AGTR1: variants seen among roughly 807,000 people sequenced by gnomAD.
AGTR1 encodes the protein angiotensin II receptor type 1.
In AGTR1, 16 loss-of-function variants were observed where a neutral mutation model predicts 19.4. That is an observed-to-expected ratio of 0.82 (90% CI 0.56 to 1.25). The LOEUF is 1.25. Among genes scored for constraint, AGTR1 ranks in the 50% most tolerant of loss-of-function variants. The probability of loss-of-function intolerance (pLI) is 0.00; values close to 1 mark genes in which losing one functional copy is unlikely to be tolerated. For missense variants in AGTR1, 373 were observed against 431.9 expected, an observed-to-expected ratio of 0.86 and a Z score of 1.21; for synonymous variants, 153 against 154.9, an observed-to-expected ratio of 0.99 and a Z score of 0.09.
At chr3:148,699,464 G>A (rs893905578) in intron 1 of AGTR1, among the ~76,000 whole-genome samples, 1 of 152,142 alleles carries the variant, frequency 6.6e-6, no homozygotes, top group East Asian at 1.9e-4. Context: ...AGGCTGTGAT[G>A]TATTCCCGGG....
intron 2 of AGTR1, among the ~76,000 whole-genome samples, chr3:148,709,319 G>A (rs1162520770): frequency 6.6e-6 from 1 of 152,024 alleles, no homozygotes; most frequent in African/African-American, 2.4e-5. Flanking sequence ...CCCACTAGCA[G>A]GAAAAGCAGG....
chr3:148,713,733 A>G (rs1431893983), intron 2 of AGTR1, among the ~76,000 whole-genome samples: 2 of 152,286 alleles, frequency 1.3e-5, no homozygotes, highest in South Asian at 2.1e-4. Context: ...ATTGGCCACA[A>G]CTGGCAGCCA....
chr3:148,706,099 C>T (rs1203142259), intron 1 of AGTR1, among the ~76,000 whole-genome samples: 1 of 151,554 alleles, frequency 6.6e-6, no homozygotes, highest in African/African-American at 2.4e-5. Context: ...TTTTTACTTT[C>T]TATTTGTCTT....
At chr3:148,724,967 G>T (rs1713846237) in intron 2 of AGTR1, among the ~76,000 whole-genome samples, 1 of 151,980 alleles carries the variant, frequency 6.6e-6, no homozygotes, top group African/African-American at 2.4e-5. Context: ...AAAATATTTA[G>T]CCTAATTTGT....
chr3:148,722,918 C>A (rs937997671), intron 2 of AGTR1, among the ~76,000 whole-genome samples: 1 of 152,178 alleles, frequency 6.6e-6, no homozygotes, highest in African/African-American at 2.4e-5. Flanking sequence ...GCCAACCAAG[C>A]AATTAACCAA....
chr3:148,706,878 G>A (rs935449432), intron 1 of AGTR1, among the ~76,000 whole-genome samples: 6 of 151,964 alleles, frequency 3.9e-5, no homozygotes, highest in Non-Finnish European at 8.8e-5. Context: ...AACCTTAACG[G>A]AGGACATTTT....
In AGTR1 at chr3:148,741,010, C is replaced by T; in HGVS notation, c.-26C>T. 6.2e-7 allele frequency: 1 copy of T among 1,613,244 alleles called. No individual in the cohort carries two copies. The highest frequency in any genetic ancestry group is 8.5e-7 in the Non-Finnish European group (1 of 1,179,740). ...CCAGGTGTATTTGATATAGTGTTTG[C>T]AACAAATTCGACCCAGGTGATCAAA... On this transcript the variant is annotated 5_prime_UTR_variant, in exon 3 of 3. Coordinates refer to ENST00000349243, the MANE Select transcript of AGTR1 (RefSeq NM_000685.5).
intron 2 of AGTR1, among the ~76,000 whole-genome samples, chr3:148,731,756 G>A (rs540400587): frequency 1.3e-5 from 2 of 152,316 alleles, no homozygotes; most frequent in South Asian, 4.1e-4. Flanking sequence ...CAGGACAGCA[G>A]TCCAGTGCTT....
At chr3:148,706,026 TTC>T (rs1712649193) in intron 1 of AGTR1, among the ~76,000 whole-genome samples, 1 of 151,964 alleles carries the variant, frequency 6.6e-6, no homozygotes, top group South Asian at 2.1e-4. Context: ...ATGATTTTTT[TTC>T]TTTCTTTCTT....
chr3:148,727,571 T>A (rs1246159186), intron 2 of AGTR1, among the ~76,000 whole-genome samples: 1 of 152,158 alleles, frequency 6.6e-6, no homozygotes, highest in Non-Finnish European at 1.5e-5. Flanking sequence ...TCAAATTCCC[T>A]CTTCAGCCTT....
chr3:148,705,402 G>A (rs1037242553), intron 1 of AGTR1, among the ~76,000 whole-genome samples: 5 of 151,130 alleles, frequency 3.3e-5, no homozygotes, highest in Non-Finnish European at 7.4e-5. Context: ...CCCTTAGAAT[G>A]AGAATTTTCC....
chr3:148,714,573 A>G (rs943508954), intron 2 of AGTR1, among the ~76,000 whole-genome samples: 2 of 152,104 alleles, frequency 1.3e-5, no homozygotes, highest in African/African-American at 2.4e-5. Context: ...CATATTTAGA[A>G]TGGATGCCAG....
intron 2 of AGTR1, among the ~76,000 whole-genome samples, chr3:148,723,971 G>T (rs973957637): frequency 6.6e-6 from 1 of 152,146 alleles, no homozygotes; most frequent in East Asian, 1.9e-4. Context: ...GGTTGGCCTG[G>T]ATCCTAAGTT....
rs376492838 is a variant in AGTR1, at chr3:148,705,802, G to A, written c.-131-2142G>A. ...AAAATCACTGTATAACATATGAATCGTAAGTGTGATCCCATGTATGTGTAT... is the reference window on the plus strand; with the variant it reads ...AAAATCACTGTATAACATATGAATCATAAGTGTGATCCCATGTATGTGTAT... On this transcript the variant is annotated intron_variant, in intron 1 of 2. Coordinates refer to ENST00000349243, the MANE Select transcript of AGTR1 (RefSeq NM_000685.5). Among the ~76,000 whole-genome samples the A allele has an allele frequency of 1.9e-3, 288 of 151,860 alleles. 1 individual carries two copies. Among genetic ancestry groups the A allele is most frequent in the African/African-American group, 6.3e-3 (263 of 41,518 alleles).
At chr3:148,714,266 G>A (rs571978173) in intron 2 of AGTR1, among the ~76,000 whole-genome samples, 5 of 152,252 alleles carry the variant, frequency 3.3e-5, no homozygotes, top group East Asian at 3.9e-4. Flanking sequence ...GAACAATCAC[G>A]TAAAATTTAT....
Position 148,742,449 on chromosome 3 carries a change from C to A in AGTR1, c.*334C>A. 1 of 412,094 alleles carries A rather than the reference C, an allele frequency of 2.4e-6. No homozygotes were observed. Among genetic ancestry groups the A allele is most frequent in the Non-Finnish European group, 4.8e-6 (1 of 210,018 alleles). 25.5% of individuals were successfully genotyped at this position (412,094 alleles called of 1,614,324 possible). The stretch of plus-strand genomic sequence containing the variant: ...TTTGTCCTGTTATTTTTTATTTCCA[C>A]ATAAAGGTATTTAGAATATATTAAA... On this transcript the variant is annotated 3_prime_UTR_variant, in exon 3 of 3. Transcript: ENST00000349243.
At chr3:148,706,074 C>T (rs1712652763) in intron 1 of AGTR1, among the ~76,000 whole-genome samples, 1 of 151,636 alleles carries the variant, frequency 6.6e-6, no homozygotes, top group South Asian at 2.1e-4. Flanking sequence ...TAATGGATCT[C>T]TATTGATTTT....
At chr3:148,735,428 C>T (rs1714521502) in intron 2 of AGTR1, among the ~76,000 whole-genome samples, 1 of 152,034 alleles carries the variant, frequency 6.6e-6, no homozygotes, top group African/African-American at 2.4e-5. Flanking sequence ...TAATTCCCAC[C>T]AAAAATGAAC....
intron 2 of AGTR1, among the ~76,000 whole-genome samples, chr3:148,714,216 C>T (rs1270490648): frequency 2.0e-5 from 3 of 152,098 alleles, no homozygotes; most frequent in Non-Finnish European, 4.4e-5. Flanking sequence ...GACAAAAATG[C>T]TTGGCCTCAT....
Sources: gnomAD v4.1 joint callset for allele counts (sites outside exome capture counted in the v4.1 genomes callset) on GRCh38, gnomAD v4.1.1 for gene constraint, MANE v1.5 for transcripts, NCBI Gene and HGNC (gene_info 2026-07-23, HGNC 2026-07-21) for gene names.